The following TCF23 variants were observed in gnomAD, a reference collection of about 807,000 sequenced individuals.
TCF23 encodes class A basic helix-loop-helix protein 24.
Under a neutral mutation model 13.0 loss-of-function variants are expected in TCF23, and 7 were observed. The ratio of observed to expected loss-of-function variants is 0.54; its 90% CI spans 0.31 to 1.01. TCF23 has a LOEUF of 1.01. TCF23 is among the 50% of genes least tolerant of loss of function. The probability of loss-of-function intolerance (pLI) is 0.06; values close to 1 mark genes in which losing one functional copy is unlikely to be tolerated. For missense variants in TCF23, 257 were observed against 289.8 expected, an observed-to-expected ratio of 0.89 and a Z score of 0.82; for synonymous variants, 122 against 119.5, an observed-to-expected ratio of 1.02 and a Z score of -0.14.
Position 27,152,772 on chromosome 2 carries a change from A to G in TCF23, c.550A>G (p.Arg184Gly). 3 of 1,614,152 alleles carry G rather than the reference A, an allele frequency of 1.9e-6. No individual in the cohort carries two copies. Among genetic ancestry groups the G allele is most frequent in the Non-Finnish European group, 2.5e-6 (3 of 1,180,022 alleles). ...CACCACAGCCAGCACCCCCAGCCAA[A>G]GAACAAGAGATGCAGAGGTGGGGTC... is the stretch of plus-strand genomic sequence containing the variant. ...DSTTASTPSQ[R>G]TRDAEVGSQV... Residue 184 changes from arginine (R) to glycine (G), a missense_variant, in exon 3 of 3, where the codon AGA becomes GGA. Transcript: ENST00000296096.
At position 27,149,209 on chromosome 2, in the gene TCF23, T is replaced by C; in HGVS notation, c.76T>C (p.Leu26=). ...TAGCCAGACTCAGGCCAAAGCACGG[T>C]TGCTGCCAGGCGCTGACAGGAAGAG... The part of the protein sequence containing the change: ...GHSQTQAKAR[L]LPGADRKRSR... The change falls in exon 1 of 3, where the codon TTG becomes CTG. Residue 26 remains leucine (L), a synonymous_variant. Transcript: ENST00000296096. The C allele has an allele frequency of 6.4e-7, 1 of 1,555,978 alleles. No individual in the cohort carries two copies. The highest frequency in any genetic ancestry group is 8.7e-7 in the Non-Finnish European group (1 of 1,149,780).
rs1672735348 is a variant in TCF23 at position 27,150,024 on chromosome 2, C to A, written c.223-99C>A. 2 of 1,523,838 alleles carry A rather than the reference C, an allele frequency of 1.3e-6. No individual in the cohort carries two copies. The highest frequency in any genetic ancestry group is 1.8e-6 in the Non-Finnish European group (2 of 1,137,028). 94.4% of individuals were successfully genotyped at this position (1,523,838 alleles called of 1,614,324 possible). On this transcript the variant is annotated intron_variant, in intron 1 of 2. Transcript: ENST00000296096. This position sits in a 1 kb window ranked among gnomAD's most constrained non-coding sequence, Gnocchi z 4.1. ...GCCCTCTGGTGCCTACTGCTAGACA[C>A]CCTTCTACTCTGGTGGGAGACCTTG...
chr2:27,152,930 A>G lies in TCF23; in HGVS notation c.*63A>G. On this transcript the variant is annotated 3_prime_UTR_variant, in exon 3 of 3. Transcript: ENST00000296096. ...TGCTTATGGGCCTGGATTTTCTACC[A>G]GCCCCCAGATTCTCAGCCATCAGAC... The G allele has an allele frequency of 6.4e-7, 1 of 1,555,000 alleles. No individual in the cohort carries two copies. Among genetic ancestry groups the G allele is most frequent in the South Asian group, 1.2e-5 (1 of 80,922 alleles).
In TCF23 at chr2:27,150,289, G is replaced by A. The variant is rs1435533696; in HGVS notation, c.389G>A (p.Arg130His). Reference protein sequence around the residue: ...LAASYIAHLTRTLGHELPGPA... With the variant: ...LAASYIAHLTHTLGHELPGPA... Reference sequence around the variant, plus strand: ...GCCAGCTACATAGCCCACCTCACCCGCACACTCGGCCACGAGTTGCCTGGC... The same window carrying A: ...GCCAGCTACATAGCCCACCTCACCCACACACTCGGCCACGAGTTGCCTGGC... Residue 130 changes from arginine (R) to histidine (H), a missense_variant, in exon 2 of 3, where the codon CGC (arginine) becomes CAC (histidine). Transcript: ENST00000296096. The surrounding 1 kb of genome is among the most constrained non-coding windows in gnomAD (Gnocchi z 4.1). 3.1e-6 allele frequency: 5 copies of A among 1,613,566 alleles called. No individual in the cohort carries two copies. In the African/African-American group the frequency reaches 4.0e-5, roughly 13 times the overall value.
rs191925593 is a variant in TCF23, at chr2:27,151,479, G to A, written c.465+1114G>A. On this transcript the variant is annotated intron_variant, in intron 2 of 2. Transcript: ENST00000296096. ...CTCCCGAGTAGGTGGGATTATAGGC[G>A]TGCACCACCATGCCCGGCTAATTTT... 2.5e-4 allele frequency among the ~76,000 whole-genome samples: 38 copies of A among 151,672 alleles called. No individual in the cohort carries two copies. In the East Asian group the frequency reaches 5.8e-3, roughly 23 times the overall value.
At position 27,156,152 on chromosome 2, in the gene TCF23, C is replaced by A. The variant is rs998945554; in HGVS notation, c.*3285C>A. ...GACCAGCCTGACCAACATGGTGAAA[C>A]CCTGTCTCTACTAAAAATACGAAAT... On this transcript the variant is annotated 3_prime_UTR_variant, in exon 3 of 3. Coordinates refer to ENST00000296096, the MANE Select transcript of TCF23 (RefSeq NM_175769.3). The A allele has an allele frequency of 6.6e-6, 1 of 151,916 alleles. No homozygotes were observed. Among genetic ancestry groups the A allele is most frequent in the East Asian group, 1.9e-4 (1 of 5,132 alleles). 9.4% of individuals were successfully genotyped at this position (151,916 alleles called of 1,614,324 possible).
At chr2:27,152,268 G>A (rs1017560776) in intron 2 of TCF23, among the ~76,000 whole-genome samples, 1 of 152,248 alleles carries the variant, frequency 6.6e-6, no homozygotes. Flanking sequence ...CGACCTCAGG[G>A]CAATCAACCT....
intron 2 of TCF23, among the ~76,000 whole-genome samples, chr2:27,151,482 C>A (rs1244368242): frequency 6.6e-6 from 1 of 151,886 alleles, no homozygotes; most frequent in Non-Finnish European, 1.5e-5. Flanking sequence ...TATAGGCGTG[C>A]ACCACCATGC....
chr2:27,152,610 G>A, intron 2 of TCF23, 78 bp from the exon 3 acceptor site: 1 of 1,541,448 alleles, frequency 6.5e-7, no homozygotes. Context: ...GAGAAGGCTG[G>A]GTTTTGGGTG....
In TCF23 at chr2:27,153,231, G is replaced by A. The variant is rs529952487; in HGVS notation, c.*364G>A. On this transcript the variant is annotated 3_prime_UTR_variant, in exon 3 of 3. Coordinates refer to ENST00000296096, the MANE Select transcript of TCF23 (RefSeq NM_175769.3). ...TAGCAAAAAGGCAGGTGCAGAGGGA[G>A]GGGCCTGGGATGGCACCAGCCCCAG... The A allele has an allele frequency of 2.9e-4, 53 of 185,040 alleles. 1 individual carries two copies. The South Asian group carries it at 5.2e-3, about 18-fold the overall frequency. The allele number at this position is 185,040 out of a possible 1,614,324, so 11.5% of individuals were successfully genotyped here.
intron 1 of TCF23, chr2:27,149,877 A>T: frequency 1.5e-6 from 1 of 672,318 alleles, no homozygotes; most frequent in Non-Finnish European, 2.7e-6. Context: ...GAGAGAACAC[A>T]GGACTCTGGG....
rs1424581730 is a variant in TCF23, at chr2:27,155,318, A to T, written c.*2451A>T. The T allele has an allele frequency of 6.6e-6, 1 of 152,332 alleles. No homozygotes were observed. Among genetic ancestry groups the T allele is most frequent in the East Asian group, 1.9e-4 (1 of 5,192 alleles). The allele number at this position is 152,332 out of a possible 1,614,324, so 9.4% of individuals were successfully genotyped here. A position where few individuals can be genotyped will look rare whatever the true frequency, so the allele number is the denominator to read the frequency against. On this transcript the variant is annotated 3_prime_UTR_variant, in exon 3 of 3. Transcript: ENST00000296096. Reference sequence around the variant, plus strand: ...GGTGAGCCAAGGGAAGGCCTAGGGGATGGATGGGAATAACCAGAGGATGGA... The same window carrying T: ...GGTGAGCCAAGGGAAGGCCTAGGGGTTGGATGGGAATAACCAGAGGATGGA...
At chr2:27,152,087 A>C (rs968035173) in intron 2 of TCF23, among the ~76,000 whole-genome samples, 1 of 152,182 alleles carries the variant, frequency 6.6e-6, no homozygotes, top group African/African-American at 2.4e-5. Context: ...TCGCTGTAAA[A>C]TAGTGACCAA....
At chr2:27,151,516 T>C (rs1672760543) in intron 2 of TCF23, among the ~76,000 whole-genome samples, 1 of 152,048 alleles carries the variant, frequency 6.6e-6, no homozygotes, top group Non-Finnish European at 1.5e-5. Flanking sequence ...CTATTTTTAG[T>C]AGAGATAGGG....
chr2:27,152,020 G>A (rs913716207), intron 2 of TCF23, among the ~76,000 whole-genome samples: 1 of 152,082 alleles, frequency 6.6e-6, no homozygotes, highest in African/African-American at 2.4e-5. Context: ...AGACTAAGTG[G>A]GGAACTCTGA....
rs1381315973 is a variant in TCF23 at position 27,155,624 on chromosome 2, G to C, written c.*2757G>C. ...GTCGTAGTGGGCACCTGTAATCCTA[G>C]CTACTTGGGAGGCTGAGGCAGGAGA... On this transcript the variant is annotated 3_prime_UTR_variant, in exon 3 of 3. Coordinates refer to ENST00000296096, the MANE Select transcript of TCF23 (RefSeq NM_175769.3). The C allele has an allele frequency of 6.6e-6, 1 of 152,108 alleles. No homozygotes were observed. Among genetic ancestry groups the C allele is most frequent in the African/African-American group, 2.4e-5 (1 of 41,362 alleles). The allele number at this position is 152,108 out of a possible 1,614,324, so 9.4% of individuals were successfully genotyped here. A position where few individuals can be genotyped will look rare whatever the true frequency, so the allele number is the denominator to read the frequency against.
chr2:27,150,394 G>A lies in TCF23; in HGVS notation c.465+29G>A, dbSNP rs375851876. ...AGTCACAAGCCCTGGGACTTGAGAGGCGGATCTTAATGCCCAGGGCCTTGG... is the reference window on the plus strand; with the variant it reads ...AGTCACAAGCCCTGGGACTTGAGAGACGGATCTTAATGCCCAGGGCCTTGG... On this transcript the variant is annotated intron_variant, in intron 2 of 2. Transcript: ENST00000296096. The surrounding 1 kb of genome is among the most constrained non-coding windows in gnomAD (Gnocchi z 4.1). 7 of 1,604,390 alleles carry A rather than the reference G, an allele frequency of 4.4e-6. No individual in the cohort carries two copies. The African/African-American group carries it at 6.7e-5, about 15-fold the overall frequency.
rs13421825 is a variant in TCF23 at position 27,153,273 on chromosome 2, C to T, written c.*406C>T. 1,235 of 164,372 alleles carry T rather than the reference C, an allele frequency of 7.5e-3. 17 individuals carry two copies. Among genetic ancestry groups the T allele is most frequent in the African/African-American group, 0.028 (1,180 of 41,902 alleles). 10.2% of individuals were successfully genotyped at this position (164,372 alleles called of 1,614,324 possible). ...CAGCCCCAGGTGCTGATGGGAAAGC[C>T]AGGTGGCCGGATAGGCTCCTGGTAG... On this transcript the variant is annotated 3_prime_UTR_variant, in exon 3 of 3. Coordinates refer to ENST00000296096, the MANE Select transcript of TCF23 (RefSeq NM_175769.3).
intron 2 of TCF23, among the ~76,000 whole-genome samples, chr2:27,152,116 A>G (rs1672769160): frequency 6.6e-6 from 1 of 152,212 alleles, no homozygotes; most frequent in African/African-American, 2.4e-5. Context: ...CCTTGCTTGT[A>G]GTAGGTGATC....
Sources: allele counts gnomAD v4.1 joint callset (sites outside exome capture counted in the v4.1 genomes callset), GRCh38; gene constraint gnomAD v4.1.1; non-coding constraint Gnocchi (gnomAD v3.1); transcripts MANE v1.5; gene names NCBI Gene and HGNC (gene_info 2026-07-23, HGNC 2026-07-21).